Variants in DGKB observed in about 807,000 individuals in gnomAD.
The protein encoded by DGKB is 90 kDa diacylglycerol kinase.
In DGKB, 67 loss-of-function variants were observed where a neutral mutation model predicts 114.3. That is an observed-to-expected ratio of 0.59 (90% CI 0.48 to 0.72). The LOEUF is 0.72. DGKB is among the 30% of genes least tolerant of loss of function. The pLI, the probability that DGKB is intolerant of heterozygous loss-of-function variation, is 0.00. For missense variants in DGKB, 907 were observed against 975.2 expected, an observed-to-expected ratio of 0.93 and a Z score of 0.93; for synonymous variants, 398 against 323.1, an observed-to-expected ratio of 1.23 and a Z score of -2.49.
intron 1 of DGKB, among the ~76,000 whole-genome samples, chr7:14,860,016 T>C (rs908597605): frequency 3.3e-5 from 5 of 151,994 alleles, no homozygotes; most frequent in Non-Finnish European, 7.4e-5. Flanking sequence ...ACCTACTTAC[T>C]TATTTTTCAC....
At chr7:14,565,843 C>T (rs1285708106) in intron 20 of DGKB, among the ~76,000 whole-genome samples, 3 of 151,916 alleles carry the variant, frequency 2.0e-5, no homozygotes, top group Non-Finnish European at 4.4e-5. Context: ...GCCATGTGAC[C>T]ACCAGAATGA....
chr7:14,192,539 G>T (rs190412170), intron 23 of DGKB, among the ~76,000 whole-genome samples: 1 of 152,126 alleles, frequency 6.6e-6, no homozygotes, highest in East Asian at 1.9e-4. Flanking sequence ...TACCCAAAGT[G>T]ATCTGCAGAT....
rs867120406 is a variant in DGKB at position 14,705,027 on chromosome 7, C to T, written c.467-3297G>A. 3.5e-3 allele frequency among the ~76,000 whole-genome samples: 504 copies of T among 143,814 alleles called. 3 individuals are homozygous for T. Among genetic ancestry groups the T allele is most frequent in the African/African-American group, 0.012 (453 of 38,986 alleles). 94.3% of individuals were successfully genotyped at this position (143,814 alleles called of 152,430 possible). A position where few individuals can be genotyped will look rare whatever the true frequency, so the allele number is the denominator to read the frequency against. The stretch of plus-strand genomic sequence containing the variant: ...CAGACGATCAAATTACTCTGAGCTA[C>T]GGGAGGACATTCAAACCAAAGGCAA... On this transcript the variant is annotated intron_variant, in intron 6 of 25. Coordinates refer to ENST00000402815, the MANE Select transcript of DGKB (RefSeq NM_001350709.2).
At chr7:14,401,602 T>C (rs1823113601) in intron 21 of DGKB, among the ~76,000 whole-genome samples, 1 of 151,938 alleles carries the variant, frequency 6.6e-6, no homozygotes, top group Admixed American at 6.6e-5. Context: ...TGAGATTTTA[T>C]TGGCAAAAGA....
chr7:14,366,931 T>C (rs1166903307), intron 21 of DGKB, among the ~76,000 whole-genome samples: 1 of 152,148 alleles, frequency 6.6e-6, no homozygotes, highest in Non-Finnish European at 1.5e-5. Flanking sequence ...TAGCCTGTAG[T>C]GTAAGGACAA....
chr7:14,254,235 G>A (rs1037317858), intron 23 of DGKB, among the ~76,000 whole-genome samples: 2 of 152,144 alleles, frequency 1.3e-5, no homozygotes, highest in African/African-American at 2.4e-5. Flanking sequence ...TGCTACATCC[G>A]GAAGAGATTT....
chr7:14,805,245 G>T (rs146378601), intron 2 of DGKB, among the ~76,000 whole-genome samples: 2 of 152,176 alleles, frequency 1.3e-5, no homozygotes, highest in East Asian at 3.9e-4. Flanking sequence ...GGACTCCAAA[G>T]TGAGTGATAG....
intron 23 of DGKB, chr7:14,191,932 TG>T: frequency 1.5e-6 from 1 of 653,816 alleles, no homozygotes. Flanking sequence ...AGCTGGAAGA[TG>T]GCCCTAAATA....
At chr7:14,944,779 T>C (rs906725745) in intron 1 of DGKB, among the ~76,000 whole-genome samples, 2 of 150,474 alleles carry the variant, frequency 1.3e-5, no homozygotes, top group African/African-American at 4.9e-5. Context: ...TCAATAGATA[T>C]GCTATCAAAA....
At chr7:14,696,731 A>T (rs980729483) in intron 8 of DGKB, among the ~76,000 whole-genome samples, 9 of 152,280 alleles carry the variant, frequency 5.9e-5, no homozygotes, top group Admixed American at 1.3e-4. Flanking sequence ...ACAATAAATT[A>T]AATACATGTT....
intron 23 of DGKB, among the ~76,000 whole-genome samples, chr7:14,190,545 CAG>C (rs1460094224): frequency 6.8e-6 from 1 of 148,104 alleles, no homozygotes; most frequent in East Asian, 1.9e-4. Context: ...TAATAAAACT[CAG>C]AGCAGAAATA....
intron 2 of DGKB, among the ~76,000 whole-genome samples, chr7:14,763,094 CCATT>C (rs1247608876): frequency 6.6e-6 from 1 of 152,090 alleles, no homozygotes; most frequent in Non-Finnish European, 1.5e-5. Context: ...TATTCAATAT[CCATT>C]CATCCAATTG....
chr7:14,678,415 T>C (rs533654946), intron 12 of DGKB, among the ~76,000 whole-genome samples: 118 of 152,086 alleles, frequency 7.8e-4, no homozygotes, highest in South Asian at 1.2e-3. Context: ...TCCTAAGGTA[T>C]GATTAGAATT....
chr7:14,558,026 T>C (rs1318710215), intron 20 of DGKB, among the ~76,000 whole-genome samples: 1 of 151,436 alleles, frequency 6.6e-6, no homozygotes, highest in Non-Finnish European at 1.5e-5. Context: ...AGAAATTCTT[T>C]CTAGATGCAT....
intron 1 of DGKB, among the ~76,000 whole-genome samples, chr7:14,943,429 G>C (rs1038949464): frequency 2.0e-5 from 3 of 151,846 alleles, no homozygotes; most frequent in African/African-American, 7.3e-5. Flanking sequence ...TTATTGAATA[G>C]ACACATTTTG....
chr7:14,901,068 C>T (rs1782970709), intron 1 of DGKB, among the ~76,000 whole-genome samples: 1 of 152,156 alleles, frequency 6.6e-6, no homozygotes, highest in Non-Finnish European at 1.5e-5. Context: ...CAGTGATTCA[C>T]AAGGTCACAT....
chr7:14,513,092 G>A (rs946688277), intron 20 of DGKB, among the ~76,000 whole-genome samples: 1 of 152,030 alleles, frequency 6.6e-6, no homozygotes, highest in African/African-American at 2.4e-5. Context: ...TAATGAATAC[G>A]TGAAAGGAGA....
At chr7:14,324,598 G>A (rs558219551) in intron 23 of DGKB, among the ~76,000 whole-genome samples, 1 of 152,066 alleles carries the variant, frequency 6.6e-6, no homozygotes, top group East Asian at 1.9e-4. Context: ...AATGTCATTT[G>A]CGGTGATGGA....
At chr7:14,696,497 G>A (rs1414405083) in intron 8 of DGKB, among the ~76,000 whole-genome samples, 1 of 66,960 alleles carries the variant, frequency 1.5e-5, no homozygotes, top group African/African-American at 6.0e-5. Context: ...GCGAGACTCC[G>A]TCTCAAAAAA....
Sources: allele counts gnomAD v4.1 joint callset (sites outside exome capture counted in the v4.1 genomes callset), GRCh38; gene constraint gnomAD v4.1.1; transcripts MANE v1.5; gene names NCBI Gene and HGNC (gene_info 2026-07-23, HGNC 2026-07-21).